EP400: variants seen among roughly 807,000 people sequenced by gnomAD.
EP400 encodes E1A binding protein p400.
EP400 carries 105 observed loss-of-function variants against 354.1 expected under a neutral mutation model. That is an observed-to-expected ratio of 0.30 (90% confidence interval 0.25 to 0.35). The LOEUF is 0.35. EP400 is among the 10% of genes least tolerant of loss of function. EP400 has a pLI of 1.00. For missense variants in EP400, 3,280 were observed against 4,121.0 expected (o/e 0.80, Z 5.59); for synonymous variants, 1,646 against 1,716.9 (o/e 0.96, Z 1.02).
At position 132,062,569 on chromosome 12, in the gene EP400, G is replaced by GCAA. The variant is rs1895738055; in HGVS notation, c.8204_8205insACA (p.Gln2748dup). The GCAA allele has an allele frequency of 4.4e-6, 7 of 1,608,050 alleles. No individual in the cohort carries two copies. In the East Asian group the frequency reaches 6.7e-5, roughly 15 times the overall value. The stretch of plus-strand genomic sequence containing the variant: ...AACAACAGCAGCAGCAGCAGCAGCA[G>GCAA]CAGCAGCAGCAGCAGCAGCAGCAAC... On this transcript the variant is annotated inframe_insertion, in exon 47 of 53. Transcript: ENST00000389561.
chr12:131,976,077 C>T (rs1362216650), intron 2 of EP400, among the ~76,000 whole-genome samples: 7 of 152,116 alleles, frequency 4.6e-5, no homozygotes, highest in Admixed American at 4.6e-4. Flanking sequence ...GTATTTTTCA[C>T]TTCTAGTATC....
At position 131,988,011 on chromosome 12, in the gene EP400, C is replaced by T. The variant is rs1456751704; in HGVS notation, c.2409+121C>T. 19 of 787,608 alleles carry T rather than the reference C, an allele frequency of 2.4e-5. No homozygotes were observed. In the Admixed American group the frequency reaches 7.4e-4, roughly 31 times the overall value. 48.8% of individuals were successfully genotyped at this position (787,608 alleles called of 1,614,324 possible). A position where few individuals can be genotyped will look rare whatever the true frequency, so the allele number is the denominator to read the frequency against. On this transcript the variant is annotated intron_variant, in intron 7 of 52. Coordinates refer to ENST00000389561, the MANE Select transcript of EP400 (RefSeq NM_015409.5). Reference sequence around the variant, plus strand: ...TTTTTTTTTTTTTTTTTTTTTTTCCCCCAGACAGGGTCTTGCTCTGTTGTC... The same window carrying T: ...TTTTTTTTTTTTTTTTTTTTTTTCCTCCAGACAGGGTCTTGCTCTGTTGTC...
Position 132,066,975 on chromosome 12 carries a change from C to T in EP400, c.8749+6C>T, listed in dbSNP as rs777133137. 12 of 1,585,786 alleles carry T rather than the reference C, an allele frequency of 7.6e-6. No homozygotes were observed. Among genetic ancestry groups the T allele is most frequent in the Admixed American group, 1.8e-5 (1 of 55,506 alleles). The stretch of plus-strand genomic sequence containing the variant: ...TCAGCCACAGAAGGCAGCAGGTGCC[C>T]GCCCCAGCACACCCTCCCGTCCTGG... On this transcript the variant is annotated splice_donor_region_variant and intron_variant, in intron 49 of 52. Coordinates refer to ENST00000389561, the MANE Select transcript of EP400 (RefSeq NM_015409.5).
chr12:131,968,254 G>A (rs1892169126), intron 2 of EP400, among the ~76,000 whole-genome samples: 1 of 151,994 alleles, frequency 6.6e-6, no homozygotes, highest in Non-Finnish European at 1.5e-5. Flanking sequence ...GATTTATTTT[G>A]CGTAAAATTT....
At position 132,029,757 on chromosome 12, in the gene EP400, G is replaced by A. The variant is rs371736454; in HGVS notation, c.5438G>A (p.Arg1813Gln). Reference protein sequence around the residue: ...VAAPPSLRVPRPPPLYSHRMR... With the variant: ...VAAPPSLRVPQPPPLYSHRMR... ...GCACCCCCGTCCCTACGGGTGCCGC[G>A]GCCGCCACCCCTGTACAGCCACAGA... Residue 1813 changes from arginine to glutamine, a missense_variant, in exon 28 of 53, where the codon CGG (arginine) becomes CAG (glutamine). Arg to Gln is a conservative substitution (Grantham distance 43). This residue lies in a region of EP400 where 459 missense variants were observed against 496.9 expected (regional missense o/e 0.92). Coordinates refer to ENST00000389561, the MANE Select transcript of EP400 (RefSeq NM_015409.5). This position sits in a 1 kb window ranked among gnomAD's most constrained non-coding sequence, Gnocchi z 4.7. 5.2e-5 allele frequency: 84 copies of A among 1,613,322 alleles called. No homozygotes were observed. In the African/African-American group the frequency reaches 9.5e-4, roughly 18 times the overall value.
chr12:132,072,015 A>T (rs1896083107), intron 51 of EP400, among the ~76,000 whole-genome samples: 1 of 152,198 alleles, frequency 6.6e-6, no homozygotes, highest in African/African-American at 2.4e-5. Context: ...GGGGTGACTC[A>T]CTGGGTCCTG....
intron 52 of EP400, 43 bp downstream of exon 52, chr12:132,076,636 C>T: frequency 6.5e-7 from 1 of 1,545,764 alleles, no homozygotes. Context: ...TTTCCCAGGT[C>T]AGAGAATGGG....
In EP400 at chr12:132,006,873, C is replaced by T. The variant is rs755616754; in HGVS notation, c.3300C>T (p.Asn1100=). 3 of 1,613,790 alleles carry T rather than the reference C, an allele frequency of 1.9e-6. No individual in the cohort carries two copies. Among genetic ancestry groups the T allele is most frequent in the East Asian group, 2.2e-5 (1 of 44,860 alleles). ...IIAFFAHLAC[N]EGNWGPHLVV... ...CTTTTTTTGCCCACCTAGCTTGTAA[C>T]GAAGGTAAGAGTTTGCTAGTTTTTT... The change falls in exon 15 of 53, where the codon AAC becomes AAT. Residue 1100 remains asparagine (N), a synonymous_variant. Coordinates refer to ENST00000389561, the MANE Select transcript of EP400 (RefSeq NM_015409.5).
At chr12:132,061,133 G>C (rs1457255464) in intron 45 of EP400, among the ~76,000 whole-genome samples, 1 of 152,150 alleles carries the variant, frequency 6.6e-6, no homozygotes, top group African/African-American at 2.4e-5. Context: ...GCAAGCTGGG[G>C]AAGGGGCAGA....
rs1460700421 is a variant in EP400, at chr12:132,045,444, C to T, written c.6910C>T (p.Leu2304=). ...GGGCAAGGAGCAGAAGAAGAATATT[C>T]TGCTGAAGCAGCAGGTGCCATTCGC... is the stretch of plus-strand genomic sequence containing the variant. The part of the protein sequence containing the change: ...REGKEQKKNI[L]LKQQVPFAKP... Residue 2304 remains leucine, a synonymous_variant, in exon 38 of 53, where the codon CTG becomes TTG. Coordinates refer to ENST00000389561, the MANE Select transcript of EP400 (RefSeq NM_015409.5). 1 of 1,614,126 alleles carries T rather than the reference C, an allele frequency of 6.2e-7. No homozygotes were observed. The highest frequency in any genetic ancestry group is 1.3e-5 in the African/African-American group (1 of 74,958).
At chr12:131,951,063 C>CTT (rs1891463761) in intron 1 of EP400, among the ~76,000 whole-genome samples, 1 of 129,784 alleles carries the variant, frequency 7.7e-6, no homozygotes, top group Non-Finnish European at 1.6e-5. Flanking sequence ...CCACGCCTGG[C>CTT]TATTTTTTTT....
intron 51 of EP400, among the ~76,000 whole-genome samples, chr12:132,072,332 A>G (rs572751999): frequency 6.6e-6 from 1 of 152,286 alleles, no homozygotes; most frequent in East Asian, 1.9e-4. Context: ...AAGATGGAGT[A>G]CCACCTGAGC....
At chr12:131,987,941 G>T in intron 7 of EP400, 51 bp downstream of exon 7, 2 of 1,381,998 alleles carry the variant, frequency 1.4e-6, no homozygotes, top group South Asian at 1.5e-5. Context: ...GTGGGGGCTT[G>T]AGTTTGCAGT....
At chr12:131,963,591 G>A (rs1332582547) in intron 2 of EP400, 1 of 1,598,312 alleles carries the variant, frequency 6.3e-7, no homozygotes, top group African/African-American at 1.3e-5. Flanking sequence ...TAGCAACCCA[G>A]CTTCCGCCAA....
In EP400 at chr12:132,067,492, G is replaced by A. The variant is rs781297653; in HGVS notation, c.8874+6G>A. 5.6e-6 allele frequency: 9 copies of A among 1,610,990 alleles called. No individual in the cohort carries two copies. Among genetic ancestry groups the A allele is most frequent in the Admixed American group, 3.3e-5 (2 of 59,960 alleles). On this transcript the variant is annotated splice_donor_region_variant and intron_variant, in intron 50 of 52. Coordinates refer to ENST00000389561, the MANE Select transcript of EP400 (RefSeq NM_015409.5). This position sits in a 1 kb window ranked among gnomAD's most constrained non-coding sequence, Gnocchi z 5.3. ...CGGCAGCCGTCCAGCAGAAGGTACC[G>A]GGGCTAGGGGATTCTCACTTCTGGG...
intron 51 of EP400, among the ~76,000 whole-genome samples, chr12:132,071,796 T>A (rs1896076512): frequency 1.3e-5 from 2 of 152,170 alleles, no homozygotes. Flanking sequence ...GCTCACAGTC[T>A]CCCTTCCTGC....
Position 131,990,524 on chromosome 12 carries a change from C to T in EP400, c.2551-112C>T. ...ATGAAAAAGCACCAAACTGACGAGG[C>T]TGGAAAACACTGTTTTCAGACTCTG... On this transcript the variant is annotated intron_variant, in intron 8 of 52. Transcript: ENST00000389561. The surrounding 1 kb of genome is among the most constrained non-coding windows in gnomAD (Gnocchi z 4.2). 1.3e-6 allele frequency: 1 copy of T among 790,740 alleles called. No homozygotes were observed. The highest frequency in any genetic ancestry group is 2.0e-6 in the Non-Finnish European group (1 of 491,018). 49.0% of individuals were successfully genotyped at this position (790,740 alleles called of 1,614,324 possible). A position where few individuals can be genotyped will look rare whatever the true frequency, so the allele number is the denominator to read the frequency against.
Position 132,054,378 on chromosome 12 carries a change from A to G in EP400, c.7729-596A>G, listed in dbSNP as rs1344986698. 6.6e-6 allele frequency among the ~76,000 whole-genome samples: 1 copy of G among 152,210 alleles called. No homozygotes were observed. The highest frequency in any genetic ancestry group is 2.4e-5 in the African/African-American group (1 of 41,438). On this transcript the variant is annotated intron_variant, in intron 43 of 52. Coordinates refer to ENST00000389561, the MANE Select transcript of EP400 (RefSeq NM_015409.5). The surrounding 1 kb of genome is among the most constrained non-coding windows in gnomAD (Gnocchi z 4.0). ...ATTTATTCAAAAGGGATCTTTGTGA[A>G]TACTTACTTGGTGCAAGGTGGGCAA... is the stretch of plus-strand genomic sequence containing the variant.
At position 131,986,543 on chromosome 12, in the gene EP400, C is replaced by T. The variant is rs1892860135; in HGVS notation, c.1959C>T (p.Asp653=). The T allele has an allele frequency of 7.4e-6, 12 of 1,611,044 alleles. No homozygotes were observed. The highest frequency in any genetic ancestry group is 5.9e-6 in the Non-Finnish European group (7 of 1,178,272). ...TAGCATCGACAAGGCTCCCTGTGGA[C>T]CCTGCCCCGCCCTGCCCACGGCCTC... The part of the protein sequence containing the change: ...QMVASTRLPV[D]PAPPCPRPLP... Residue 653 remains aspartate, a synonymous_variant, in exon 6 of 53, where the codon GAC becomes GAT. Transcript: ENST00000389561.
Sources: gnomAD v4.1 joint callset for allele counts (sites outside exome capture counted in the v4.1 genomes callset) on GRCh38, gnomAD v4.1.1 for gene constraint, gnomAD v4.1.1 regional missense constraint, Gnocchi (gnomAD v3.1) non-coding constraint, MANE v1.5 for transcripts, NCBI Gene and HGNC (gene_info 2026-07-23, HGNC 2026-07-21) for gene names.